GXYLT1: variants seen among roughly 807,000 people sequenced by gnomAD.
GXYLT1 encodes glycosyltransferase 8 domain containing 3.
A neutral mutation model predicts 54.0 loss-of-function variants in GXYLT1; 29 were observed. The observed-to-expected ratio is 0.54, with a 90% CI of 0.40 to 0.73. The LOEUF is 0.73. Ranked by LOEUF, GXYLT1 falls within the 30% of genes least tolerant of loss-of-function variation. The pLI, the probability that GXYLT1 is intolerant of heterozygous loss-of-function variation, is 0.00. For synonymous variants in GXYLT1, 176 were observed against 204.1 expected (o/e 0.86, Z 1.17); for missense variants, 490 against 553.4 (o/e 0.89, Z 1.15).
chr12:42,125,178 A>T (rs1344445807), intron 2 of GXYLT1, among the ~76,000 whole-genome samples: 2 of 152,222 alleles, frequency 1.3e-5, no homozygotes, highest in African/African-American at 4.8e-5. Flanking sequence ...GGAAGCAAGC[A>T]GCCAGGAGCA....
intron 2 of GXYLT1, among the ~76,000 whole-genome samples, chr12:42,122,508 T>C (rs890237183): frequency 1.3e-5 from 2 of 152,174 alleles, no homozygotes; most frequent in South Asian, 2.1e-4. Flanking sequence ...GAGAATTGCA[T>C]GAACCCAGGA....
chr12:42,091,866 C>T (rs758973155), intron 7 of GXYLT1, among the ~76,000 whole-genome samples: 8 of 152,176 alleles, frequency 5.3e-5, no homozygotes, highest in Non-Finnish European at 1.0e-4. Flanking sequence ...CACTTCATTT[C>T]GGCCCCTGCT....
intron 3 of GXYLT1, 116 bp downstream of exon 3, chr12:42,118,884 A>G: frequency 1.3e-6 from 1 of 746,678 alleles, no homozygotes. Flanking sequence ...TTTATAAATT[A>G]CCAAGTCTCA....
At chr12:42,143,781 G>T (rs2065664411) in intron 1 of GXYLT1, among the ~76,000 whole-genome samples, 1 of 152,114 alleles carries the variant, frequency 6.6e-6, no homozygotes, top group African/African-American at 2.4e-5. Context: ...GTCAAGAAAG[G>T]TAACTCCATC....
At position 42,082,121 on chromosome 12, in the gene GXYLT1, T is replaced by C. The variant is rs1198254192; in HGVS notation, c.*5665A>G. 1 of 152,248 alleles carries C rather than the reference T, an allele frequency of 6.6e-6. No individual in the cohort carries two copies. Among genetic ancestry groups the C allele is most frequent in the African/African-American group, 2.4e-5 (1 of 41,464 alleles). 9.4% of individuals were successfully genotyped at this position (152,248 alleles called of 1,614,324 possible). ...CTCTACATACCACAGTATACAATGATGCCTTCCTGCAGGTTTAGAACTATT... is the reference window on the plus strand; with the variant it reads ...CTCTACATACCACAGTATACAATGACGCCTTCCTGCAGGTTTAGAACTATT... On this transcript the variant is annotated 3_prime_UTR_variant, in exon 8 of 8. Coordinates refer to ENST00000398675, the MANE Select transcript of GXYLT1 (RefSeq NM_173601.2).
In GXYLT1 at chr12:42,144,471, C is replaced by CCT; in HGVS notation, c.174_175dup (p.Gly59GlufsTer39). ...CGCTGCGGGGCCCGCGACGCCGGCG[C>CCT]CTCTCACGGCGCCGCGTCCGCCGCC... On this transcript the variant is annotated frameshift_variant, in exon 1 of 8. Transcript: ENST00000398675. LOFTEE classifies it high-confidence loss of function. 2 of 1,303,928 alleles carry CCT rather than the reference C, an allele frequency of 1.5e-6. No individual in the cohort carries two copies. Among genetic ancestry groups the CCT allele is most frequent in the Non-Finnish European group, 2.0e-6 (2 of 1,023,446 alleles). 80.8% of individuals were successfully genotyped at this position (1,303,928 alleles called of 1,614,324 possible).
At chr12:42,096,314 G>C (rs1468613573) in intron 7 of GXYLT1, among the ~76,000 whole-genome samples, 2 of 152,020 alleles carry the variant, frequency 1.3e-5, no homozygotes, top group Non-Finnish European at 2.9e-5. Flanking sequence ...CAGTAGGGCA[G>C]GGAAAGTATA....
Position 42,083,353 on chromosome 12 carries a change from T to A in GXYLT1, c.*4433A>T, listed in dbSNP as rs886401146. 6.6e-6 allele frequency: 1 copy of A among 152,354 alleles called. No homozygotes were observed. The highest frequency in any genetic ancestry group is 1.9e-4 in the East Asian group (1 of 5,188). The allele number at this position is 152,354 out of a possible 1,614,324, so 9.4% of individuals were successfully genotyped here. A position where few individuals can be genotyped will look rare whatever the true frequency, so the allele number is the denominator to read the frequency against. On this transcript the variant is annotated 3_prime_UTR_variant, in exon 8 of 8. Transcript: ENST00000398675. ...GCAATGGATAAAAGAATAACTGTTA[T>A]AATACAAATCTTTATTTAATCTACT...
intron 1 of GXYLT1, among the ~76,000 whole-genome samples, chr12:42,131,135 G>C (rs1008377261): frequency 6.6e-6 from 1 of 152,058 alleles, no homozygotes; most frequent in Non-Finnish European, 1.5e-5. Context: ...ACGGAAAAAA[G>C]AAAACACCTT....
intron 1 of GXYLT1, among the ~76,000 whole-genome samples, chr12:42,134,069 G>A (rs1430018835): frequency 6.7e-6 from 1 of 150,218 alleles, no homozygotes; most frequent in African/African-American, 2.5e-5. Flanking sequence ...GCATGGTGGT[G>A]TGTGCCTGTA....
chr12:42,104,009 G>T (rs1023649500), intron 5 of GXYLT1, among the ~76,000 whole-genome samples: 4 of 152,130 alleles, frequency 2.6e-5, no homozygotes. Context: ...AGCACTTTGG[G>T]GGTTTGAGGT....
intron 1 of GXYLT1, among the ~76,000 whole-genome samples, chr12:42,143,860 T>C (rs2065664813): frequency 6.6e-6 from 1 of 152,208 alleles, no homozygotes; most frequent in Admixed American, 6.5e-5. Context: ...AGTTTCTTAA[T>C]AAACTGAGTG....
At chr12:42,090,307 T>C (rs2065322419) in intron 7 of GXYLT1, among the ~76,000 whole-genome samples, 1 of 152,224 alleles carries the variant, frequency 6.6e-6, no homozygotes, top group South Asian at 2.1e-4. Flanking sequence ...AGTGCCTGCA[T>C]ATTTGTACAG....
intron 3 of GXYLT1, among the ~76,000 whole-genome samples, chr12:42,118,607 C>G (rs891293063): frequency 6.6e-6 from 1 of 152,220 alleles, no homozygotes; most frequent in Non-Finnish European, 1.5e-5. Flanking sequence ...CCACTCAAAT[C>G]TCATCTCAAA....
intron 1 of GXYLT1, among the ~76,000 whole-genome samples, chr12:42,134,215 A>G (rs928405780): frequency 2.0e-5 from 3 of 152,062 alleles, no homozygotes; most frequent in South Asian, 2.1e-4. Context: ...AAGAAAAAAA[A>G]AGAGAGAGAG....
rs796728831 is a variant in GXYLT1 at position 42,109,472 on chromosome 12, G to A, written c.612+94C>T. 2.0e-4 allele frequency: 156 copies of A among 795,448 alleles called. 2 individuals carry two copies. In the African/African-American group the frequency reaches 2.7e-3, roughly 14 times the overall value. The allele number at this position is 795,448 out of a possible 1,614,324, so 49.3% of individuals were successfully genotyped here. A position where few individuals can be genotyped will look rare whatever the true frequency, so the allele number is the denominator to read the frequency against. The stretch of plus-strand genomic sequence containing the variant: ...ATTTACTAATTTAATTATTTAACTG[G>A]AATTATATGTAACTCTTCAGAGACT... On this transcript the variant is annotated intron_variant, in intron 4 of 7. Transcript: ENST00000398675.
intron 2 of GXYLT1, among the ~76,000 whole-genome samples, 172 bp from the exon 3 acceptor site, chr12:42,119,343 C>T (rs1189177213): frequency 6.6e-6 from 1 of 151,976 alleles, no homozygotes; most frequent in Non-Finnish European, 1.5e-5. Context: ...GAGTTCAATG[C>T]TGCAGTAAGC....
At chr12:42,142,207 G>GTT (rs1278976185) in intron 1 of GXYLT1, among the ~76,000 whole-genome samples, 1 of 152,124 alleles carries the variant, frequency 6.6e-6, no homozygotes, top group Non-Finnish European at 1.5e-5. Context: ...AAGAGCTCTT[G>GTT]TATAACACTC....
In GXYLT1 at chr12:42,106,013, T is replaced by TA. The variant is rs750293240; in HGVS notation, c.668dup (p.Leu223PhefsTer5). The TA allele has an allele frequency of 3.9e-5, 58 of 1,475,166 alleles. No individual in the cohort carries two copies. The highest frequency in any genetic ancestry group is 1.4e-5 in the Non-Finnish European group (15 of 1,110,464). 91.4% of individuals were successfully genotyped at this position (1,475,166 alleles called of 1,614,324 possible). A position where few individuals can be genotyped will look rare whatever the true frequency, so the allele number is the denominator to read the frequency against. On this transcript the variant is annotated frameshift_variant, in exon 5 of 8. Coordinates refer to ENST00000398675, the MANE Select transcript of GXYLT1 (RefSeq NM_173601.2). LOFTEE classifies it high-confidence loss of function. ...AAGACCAAATATCATCAACTGGTCG[T>TA]AAAAAAAGGATATCAGTGTCGACAT...
Sources: allele counts gnomAD v4.1 joint callset (sites outside exome capture counted in the v4.1 genomes callset), GRCh38; gene constraint gnomAD v4.1.1; transcripts MANE v1.5; gene names NCBI Gene and HGNC (gene_info 2026-07-23, HGNC 2026-07-21).